Variants in PHF20 observed in about 807,000 individuals in gnomAD.
PHF20 encodes glioma-expressed antigen 2.
In PHF20, 23 loss-of-function variants were observed where a neutral mutation model predicts 113.5. That is an observed-to-expected ratio of 0.20 (90% CI 0.15 to 0.29). The LOEUF (loss-of-function observed/expected upper bound fraction) is 0.29. Ranked by LOEUF, PHF20 falls within the 10% of genes least tolerant of loss-of-function variation. The probability of loss-of-function intolerance (pLI) is 1.00; values close to 1 mark genes in which losing one functional copy is unlikely to be tolerated. For missense variants in PHF20, 943 were observed against 1,219.6 expected (o/e 0.77, Z 3.38); for synonymous variants, 434 against 457.3 (o/e 0.95, Z 0.65).
chr20:35,813,124 C>T (rs531226532), intron 2 of PHF20, among the ~76,000 whole-genome samples: 255 of 152,204 alleles, frequency 1.7e-3, no homozygotes, highest in African/African-American at 5.9e-3. Flanking sequence ...CCCGCCACCA[C>T]GCCCGGCTAA....
At chr20:35,885,467 CTTTTTTTTTTTTTTTTTT>C (rs577878410) in intron 9 of PHF20, among the ~76,000 whole-genome samples, 11 of 35,738 alleles carry the variant, frequency 3.1e-4, no homozygotes, top group Non-Finnish European at 4.3e-4. Flanking sequence ...GGGGAATAAG[CTTTTTTTTTTTTTTTTTT>C]TTTTTTTTTT....
At chr20:35,876,114 G>C (rs1291046298) in intron 9 of PHF20, among the ~76,000 whole-genome samples, 1 of 152,148 alleles carries the variant, frequency 6.6e-6, no homozygotes, top group African/African-American at 2.4e-5. Flanking sequence ...TGAAACCATT[G>C]CAACTGATTG....
At chr20:35,938,029 G>A (rs919131152) in intron 15 of PHF20, among the ~76,000 whole-genome samples, 2 of 152,072 alleles carry the variant, frequency 1.3e-5, no homozygotes, top group Non-Finnish European at 2.9e-5. Context: ...CCGCCACCAC[G>A]TCCAGCTAAT....
At chr20:35,833,946 TA>T (rs1211287086) in intron 2 of PHF20, among the ~76,000 whole-genome samples, 1 of 151,836 alleles carries the variant, frequency 6.6e-6, no homozygotes, top group Non-Finnish European at 1.5e-5. Flanking sequence ...TAATCCCAGC[TA>T]CTCTGGAGGC....
intron 15 of PHF20, among the ~76,000 whole-genome samples, chr20:35,934,855 A>G (rs1444129839): frequency 6.6e-6 from 1 of 152,182 alleles, no homozygotes; most frequent in Admixed American, 6.5e-5. Context: ...GAGACTAGCT[A>G]TTTCCTCACA....
At chr20:35,809,912 C>G (rs193087964) in intron 2 of PHF20, among the ~76,000 whole-genome samples, 1 of 152,216 alleles carries the variant, frequency 6.6e-6, no homozygotes, top group African/African-American at 2.4e-5. Context: ...ACTGTCAAAC[C>G]AAGGACAGTT....
At chr20:35,784,440 T>TTC (rs1569115824) in intron 1 of PHF20, among the ~76,000 whole-genome samples, 1 of 144,006 alleles carries the variant, frequency 6.9e-6, no homozygotes, top group Admixed American at 7.0e-5. Context: ...AGACTTTTTT[T>TTC]TTTTTTTTTT....
chr20:35,927,961 G>A, intron 14 of PHF20, 82 bp downstream of exon 14: 4 of 958,180 alleles, frequency 4.2e-6, no homozygotes, highest in Non-Finnish European at 6.8e-6. Context: ...CTAAATGTCT[G>A]CGGTCTTGAG....
intron 1 of PHF20, among the ~76,000 whole-genome samples, chr20:35,792,275 CCTT>C (rs1003974751): frequency 3.4e-4 from 51 of 152,160 alleles, no homozygotes; most frequent in Admixed American, 2.7e-3. Flanking sequence ...GCAACCTCCA[CCTT>C]CTGGGCTCAA....
At chr20:35,854,368 C>T (rs1382904572) in intron 4 of PHF20, among the ~76,000 whole-genome samples, 1 of 152,144 alleles carries the variant, frequency 6.6e-6, no homozygotes, top group Non-Finnish European at 1.5e-5. Flanking sequence ...CCTTCTGTCA[C>T]GTTAGAGGAG....
At chr20:35,772,607 C>G (rs375163171) in intron 1 of PHF20, among the ~76,000 whole-genome samples, 1 of 152,130 alleles carries the variant, frequency 6.6e-6, no homozygotes, top group South Asian at 2.1e-4. Context: ...GGCACACCCC[C>G]TTTCTTAAGC....
chr20:35,789,798 T>G (rs1453334071), intron 1 of PHF20, among the ~76,000 whole-genome samples: 1 of 150,416 alleles, frequency 6.6e-6, no homozygotes, highest in East Asian at 2.0e-4. Context: ...CGCCTGCCTG[T>G]GCCCCACAAA....
chr20:35,786,031 CAAAA>C (rs1289907333), intron 1 of PHF20, among the ~76,000 whole-genome samples: 2 of 75,262 alleles, frequency 2.7e-5, no homozygotes, highest in Middle Eastern at 9.4e-3. Flanking sequence ...AACTCCATCT[CAAAA>C]AAAAAAAAAA....
intron 12 of PHF20, among the ~76,000 whole-genome samples, chr20:35,915,408 A>G (rs1252997746): frequency 6.6e-6 from 1 of 151,568 alleles, no homozygotes; most frequent in Non-Finnish European, 1.5e-5. Flanking sequence ...TGTTTTTGAG[A>G]CAGAGTCTCA....
At chr20:35,870,030 C>A (rs1031997691) in intron 7 of PHF20, among the ~76,000 whole-genome samples, 1 of 151,018 alleles carries the variant, frequency 6.6e-6, no homozygotes, top group Non-Finnish European at 1.5e-5. Flanking sequence ...TGTGGCCAGG[C>A]GCGGTAGCTC....
chr20:35,872,790 T>C (rs1847036561), intron 9 of PHF20, among the ~76,000 whole-genome samples: 1 of 152,180 alleles, frequency 6.6e-6, no homozygotes, highest in African/African-American at 2.4e-5. Context: ...TTATATTTGT[T>C]GCGATTTAAT....
intron 2 of PHF20, among the ~76,000 whole-genome samples, chr20:35,839,056 T>C (rs1445717218): frequency 6.6e-6 from 1 of 151,038 alleles, no homozygotes; most frequent in African/African-American, 2.4e-5. Context: ...CCAAGGACCC[T>C]GTGTGAGAAA....
At chr20:35,808,919 G>A (rs1308975748) in intron 2 of PHF20, among the ~76,000 whole-genome samples, 5 of 151,142 alleles carry the variant, frequency 3.3e-5, no homozygotes, top group Non-Finnish European at 5.9e-5. Context: ...AGAGGAAAAC[G>A]TTATGGCCAT....
intron 5 of PHF20, among the ~76,000 whole-genome samples, chr20:35,860,972 T>C (rs1325267040): frequency 6.6e-6 from 1 of 152,152 alleles, no homozygotes; most frequent in Non-Finnish European, 1.5e-5. Context: ...CTGGGTGCCA[T>C]GCTTCATTTC....
Sources: allele counts gnomAD v4.1 joint callset (sites outside exome capture counted in the v4.1 genomes callset), GRCh38; gene constraint gnomAD v4.1.1; transcripts MANE v1.5; gene names NCBI Gene and HGNC (gene_info 2026-07-23, HGNC 2026-07-21).